Variants in PPA2 observed in about 807,000 individuals in gnomAD.
PPA2 encodes the protein inorganic pyrophosphatase 2, also known as inorganic pyrophosphatase 2, mitochondrial.
In PPA2, 48 loss-of-function variants were observed where a neutral mutation model predicts 49.5. The ratio of observed to expected loss-of-function variants is 0.97; its 90% CI spans 0.77 to 1.23. The LOEUF (loss-of-function observed/expected upper bound fraction) is 1.23. Among genes scored for constraint, PPA2 ranks in the 50% most tolerant of loss-of-function variants. The pLI, the probability that PPA2 is intolerant of heterozygous loss-of-function variation, is 0.00. For missense variants in PPA2, 429 were observed against 410.1 expected (o/e 1.05, Z -0.40); for synonymous variants, 131 against 139.9 (o/e 0.94, Z 0.45).
At chr4:105,424,018 T>C (rs549040915) in intron 7 of PPA2, among the ~76,000 whole-genome samples, 178 bp downstream of exon 7, 6 of 152,218 alleles carry the variant, frequency 3.9e-5, no homozygotes, top group South Asian at 2.1e-4. Flanking sequence ...AAAAAGGGAA[T>C]AGAGGGAAAC....
intron 7 of PPA2, chr4:105,405,415 A>ATAT: frequency 1.2e-6 from 1 of 802,710 alleles, no homozygotes; most frequent in South Asian, 5.7e-5. Flanking sequence ...TTTATCTCTA[A>ATAT]TATTATTACA....
intron 7 of PPA2, among the ~76,000 whole-genome samples, chr4:105,416,164 G>A (rs1055642673): frequency 1.3e-5 from 2 of 152,146 alleles, no homozygotes; most frequent in African/African-American, 2.4e-5. Flanking sequence ...CATTCCATCC[G>A]CTTTCACAAA....
chr4:105,379,930 G>A (rs1055892868), intron 10 of PPA2, among the ~76,000 whole-genome samples: 8 of 152,030 alleles, frequency 5.3e-5, no homozygotes, highest in East Asian at 1.9e-4. Flanking sequence ...CACTGTGCCC[G>A]GTCTGCAATT....
chr4:105,470,465 A>G (rs757484842), intron 1 of PPA2, among the ~76,000 whole-genome samples: 19 of 152,204 alleles, frequency 1.2e-4, no homozygotes, highest in Non-Finnish European at 1.9e-4. Flanking sequence ...AGCTTGGGCA[A>G]AAGTATGAGA....
chr4:105,436,064 G>C (rs1050653838), intron 6 of PPA2, among the ~76,000 whole-genome samples: 2 of 151,976 alleles, frequency 1.3e-5, no homozygotes, highest in African/African-American at 2.4e-5. Context: ...AACCCTAAAG[G>C]CTCCTCCAAA....
rs953815416 is a variant in PPA2 at position 105,405,791 on chromosome 4, G to A, written c.656-6627C>T. ...AAGATAAGTAACTTTGTAGACCCAA[G>A]AGGGAACAAAAATACAAAACAACAT... is the stretch of plus-strand genomic sequence containing the variant. On this transcript the variant is annotated intron_variant, in intron 7 of 11. Coordinates refer to ENST00000341695, the MANE Select transcript of PPA2 (RefSeq NM_176869.3). 10 of 520,652 alleles carry A rather than the reference G, an allele frequency of 1.9e-5. No individual in the cohort carries two copies. The African/African-American group carries it at 2.0e-4, about 10-fold the overall frequency. The allele number at this position is 520,652 out of a possible 1,614,324, so 32.3% of individuals were successfully genotyped here.
At chr4:105,465,859 C>A (rs1578890608) in intron 1 of PPA2, among the ~76,000 whole-genome samples, 1 of 152,190 alleles carries the variant, frequency 6.6e-6, no homozygotes, top group East Asian at 1.9e-4. Context: ...ATCCCTTTTA[C>A]AATTTCTTCT....
intron 10 of PPA2, among the ~76,000 whole-genome samples, chr4:105,385,267 T>C (rs1733634848): frequency 6.6e-6 from 1 of 152,194 alleles, no homozygotes; most frequent in African/African-American, 2.4e-5. Context: ...ATTATTTTAC[T>C]TGCATATTTC....
At chr4:105,449,757 A>C (rs1244792915) in intron 3 of PPA2, among the ~76,000 whole-genome samples, 1 of 152,246 alleles carries the variant, frequency 6.6e-6, no homozygotes, top group African/African-American at 2.4e-5. Context: ...GTAAGGATTC[A>C]GTCTCACTTT....
chr4:105,424,557 C>T (rs1037289063), intron 6 of PPA2, among the ~76,000 whole-genome samples: 1 of 152,150 alleles, frequency 6.6e-6, no homozygotes, highest in Non-Finnish European at 1.5e-5. Flanking sequence ...ACAACTTGCC[C>T]TCCCATTGCA....
chr4:105,412,130 G>A (rs193143951), intron 7 of PPA2, among the ~76,000 whole-genome samples: 1 of 152,254 alleles, frequency 6.6e-6, no homozygotes, highest in East Asian at 1.9e-4. Flanking sequence ...AGCCCGCATA[G>A]CCAAGGCAAT....
chr4:105,383,688 A>G (rs1427659973), intron 10 of PPA2, among the ~76,000 whole-genome samples: 1 of 152,182 alleles, frequency 6.6e-6, no homozygotes, highest in African/African-American at 2.4e-5. Context: ...CCTTGTAATG[A>G]CCATACTTTG....
At chr4:105,398,916 A>G in intron 8 of PPA2, 121 bp downstream of exon 8, 1 of 917,984 alleles carries the variant, frequency 1.1e-6, no homozygotes, top group Non-Finnish European at 1.5e-6. Context: ...TATGTAAGTT[A>G]GTAAAAAGCA....
In PPA2 at chr4:105,408,979, A is replaced by G. The variant is rs549940118; in HGVS notation, c.656-9815T>C. ...CAGCTCTGGTCTGCAGCTCCCAGAG[A>G]GATTGACGCAAAAGATGGGTGATAT... is the stretch of plus-strand genomic sequence containing the variant. On this transcript the variant is annotated intron_variant, in intron 7 of 11. Coordinates refer to ENST00000341695, the MANE Select transcript of PPA2 (RefSeq NM_176869.3). Among the ~76,000 whole-genome samples the G allele has an allele frequency of 1.8e-4, 27 of 152,308 alleles. No homozygotes were observed. In the South Asian group the frequency reaches 5.0e-3, roughly 28 times the overall value.
chr4:105,459,034 T>C (rs1401228390), intron 1 of PPA2, among the ~76,000 whole-genome samples: 2 of 152,164 alleles, frequency 1.3e-5, no homozygotes, highest in Non-Finnish European at 2.9e-5. Context: ...TAGCACTTAA[T>C]AGGCATCCAA....
intron 10 of PPA2, among the ~76,000 whole-genome samples, chr4:105,374,763 A>G (rs1733172343): frequency 6.6e-6 from 1 of 152,218 alleles, no homozygotes; most frequent in African/African-American, 2.4e-5. Context: ...TTCAAAATTA[A>G]AGGGAAAAAA....
At chr4:105,391,545 A>AG (rs930376732) in intron 9 of PPA2, among the ~76,000 whole-genome samples, 1 of 151,926 alleles carries the variant, frequency 6.6e-6, no homozygotes, top group Non-Finnish European at 1.5e-5. Context: ...GTATTAAAAA[A>AG]AAATCCACCT....
At chr4:105,444,161 T>C (rs1203781585) in intron 5 of PPA2, among the ~76,000 whole-genome samples, 1 of 152,168 alleles carries the variant, frequency 6.6e-6, no homozygotes, top group East Asian at 1.9e-4. Context: ...AATAAATATG[T>C]ACTGAATGAA....
At chr4:105,393,676 T>G (rs927724731) in intron 9 of PPA2, among the ~76,000 whole-genome samples, 5 of 151,898 alleles carry the variant, frequency 3.3e-5, no homozygotes, top group African/African-American at 1.2e-4. Context: ...TCTAACAATT[T>G]CCCTAGTTAA....
Sources: gnomAD v4.1 joint callset for allele counts (sites outside exome capture counted in the v4.1 genomes callset) on GRCh38, gnomAD v4.1.1 for gene constraint, MANE v1.5 for transcripts, NCBI Gene and HGNC (gene_info 2026-07-23, HGNC 2026-07-21) for gene names.